CCDC152: variants seen among roughly 807,000 people sequenced by gnomAD.
CCDC152 encodes coiled-coil domain containing 152, also known as coiled-coil domain-containing protein 152.
A neutral mutation model predicts 38.1 loss-of-function variants in CCDC152; 37 were observed. The observed-to-expected ratio is 0.97, with a 90% CI of 0.75 to 1.28. CCDC152 has a LOEUF of 1.28. Ranked by LOEUF, CCDC152 falls within the 50% of genes most tolerant of loss-of-function variation. The pLI, the probability that CCDC152 is intolerant of heterozygous loss-of-function variation, is 0.00. For synonymous variants in CCDC152, 83 were observed against 87.1 expected (o/e 0.95, Z 0.26); for missense variants, 259 against 292.1 (o/e 0.89, Z 0.83).
intron 6 of CCDC152, among the ~76,000 whole-genome samples, chr5:42,785,141 C>T (rs959580807): frequency 2.0e-5 from 3 of 151,812 alleles, no homozygotes; most frequent in Admixed American, 1.3e-4. Context: ...TCTGTGAAAA[C>T]TTACATTGTT....
chr5:42,767,342 GA>G (rs1263875627), intron 3 of CCDC152, among the ~76,000 whole-genome samples: 1 of 152,022 alleles, frequency 6.6e-6, no homozygotes, highest in Non-Finnish European at 1.5e-5. Flanking sequence ...AGTACTGCAG[GA>G]AACTCTTTAC....
At position 42,779,392 on chromosome 5, in the gene CCDC152, GA is replaced by G. The variant is rs1759812096; in HGVS notation, c.263-64del. On this transcript the variant is annotated intron_variant, in intron 4 of 8. Coordinates refer to ENST00000361970, the MANE Select transcript of CCDC152 (RefSeq NM_001134848.2). ...CATACATAATGGAAGCTAAAATGTT[GA>G]ACATATTTTCATATTAATTGAAAAG... 3 of 949,328 alleles carry G rather than the reference GA, an allele frequency of 3.2e-6. No homozygotes were observed. In the Admixed American group the frequency reaches 6.9e-5, roughly 22 times the overall value. The allele number at this position is 949,328 out of a possible 1,614,324, so 58.8% of individuals were successfully genotyped here.
Position 42,796,826 on chromosome 5 carries a change from C to A in CCDC152, c.431-3C>A. On this transcript the variant is annotated splice_polypyrimidine_tract_variant and splice_region_variant and intron_variant, in intron 6 of 8. Coordinates refer to ENST00000361970, the MANE Select transcript of CCDC152 (RefSeq NM_001134848.2). ...TGAATTTTATTTATTTCATTTTATT[C>A]AGTTGAATTAAATGAAGAAAAGCAC... The A allele has an allele frequency of 2.9e-6, 4 of 1,393,418 alleles. No individual in the cohort carries two copies. Among genetic ancestry groups the A allele is most frequent in the Non-Finnish European group, 3.8e-6 (4 of 1,050,768 alleles). The allele number at this position is 1,393,418 out of a possible 1,614,324, so 86.3% of individuals were successfully genotyped here.
chr5:42,799,551 G>A, intron 8 of CCDC152, 93 bp downstream of exon 8: 2 of 1,163,642 alleles, frequency 1.7e-6, no homozygotes, highest in African/African-American at 3.1e-5. Flanking sequence ...ACAATATAAG[G>A]TATTTTTTAA....
rs769336222 is a variant in CCDC152 at position 42,762,444 on chromosome 5, A to C, written c.89A>C (p.Lys30Thr). ...ATAAGTATTCTATTTCTTCTACAGAAAATGGTAGAAACCAATGGAAAGAAC... is the reference window on the plus strand; with the variant it reads ...ATAAGTATTCTATTTCTTCTACAGACAATGGTAGAAACCAATGGAAAGAAC... Reference protein sequence around the residue: ...LINDFSQIEKKMVETNGKNNI... With the variant: ...LINDFSQIEKTMVETNGKNNI... Residue 30 changes from lysine (K) to threonine (T), a missense_variant and splice_region_variant, in exon 3 of 9, where the codon AAA (lysine) becomes ACA (threonine). Lys to Thr is a moderately conservative substitution (Grantham distance 78, BLOSUM62 -1). Transcript: ENST00000361970. The C allele has an allele frequency of 3.0e-5, 43 of 1,438,320 alleles. No homozygotes were observed. The highest frequency in any genetic ancestry group is 4.0e-5 in the Non-Finnish European group (42 of 1,052,776). The allele number at this position is 1,438,320 out of a possible 1,614,324, so 89.1% of individuals were successfully genotyped here.
chr5:42,798,591 T>C (rs548474960), intron 7 of CCDC152, among the ~76,000 whole-genome samples: 1 of 152,306 alleles, frequency 6.6e-6, no homozygotes, highest in South Asian at 2.1e-4. Flanking sequence ...AAATTTGCAT[T>C]TTGTTTGCCA....
At chr5:42,794,727 A>T (rs1760051480) in intron 6 of CCDC152, among the ~76,000 whole-genome samples, 1 of 152,234 alleles carries the variant, frequency 6.6e-6, no homozygotes, top group African/African-American at 2.4e-5. Flanking sequence ...GTTCTAATTT[A>T]GCTAAGTTAA....
At position 42,762,532 on chromosome 5, in the gene CCDC152, G is replaced by GCCAA; in HGVS notation, c.177_178insCCAA (p.Val60ProfsTer5). On this transcript the variant is annotated frameshift_variant, in exon 3 of 9. Transcript: ENST00000361970. LOFTEE classifies it high-confidence loss of function. Reference sequence around the variant, plus strand: ...TATTAAAAGTAATGCAAGCAAAGGAGGTCTCCATTAAAGAAGGTTAGTTAT... The same window carrying GCCAA: ...TATTAAAAGTAATGCAAGCAAAGGAGCCAAGTCTCCATTAAAGAAGGTTAGTTAT... 6.6e-7 allele frequency: 1 copy of GCCAA among 1,521,356 alleles called. No individual in the cohort carries two copies. Among genetic ancestry groups the GCCAA allele is most frequent in the Non-Finnish European group, 8.9e-7 (1 of 1,120,314 alleles). 94.2% of individuals were successfully genotyped at this position (1,521,356 alleles called of 1,614,324 possible).
intron 5 of CCDC152, among the ~76,000 whole-genome samples, chr5:42,780,211 G>A (rs1346001957): frequency 7.9e-5 from 12 of 152,082 alleles, no homozygotes; most frequent in Admixed American, 6.6e-4. Context: ...ATCTATAGGA[G>A]CTTTCAACTT....
intron 4 of CCDC152, among the ~76,000 whole-genome samples, chr5:42,773,839 A>G (rs1579711141): frequency 6.6e-6 from 1 of 152,342 alleles, no homozygotes; most frequent in East Asian, 1.9e-4. Context: ...AATTTATGGA[A>G]AAACCATTGT....
chr5:42,797,357 C>T (rs1017920701), intron 7 of CCDC152, among the ~76,000 whole-genome samples: 1 of 152,296 alleles, frequency 6.6e-6, no homozygotes. Flanking sequence ...CTACCAGTTC[C>T]TGTGTCTCAT....
At chr5:42,786,581 A>T (rs1173900782) in intron 6 of CCDC152, among the ~76,000 whole-genome samples, 2 of 151,742 alleles carry the variant, frequency 1.3e-5, no homozygotes, top group Non-Finnish European at 1.5e-5. Flanking sequence ...CTTTCAAAAA[A>T]CCCAGTTTTT....
At chr5:42,767,204 A>G (rs1340112313) in intron 3 of CCDC152, among the ~76,000 whole-genome samples, 1 of 152,110 alleles carries the variant, frequency 6.6e-6, no homozygotes, top group African/African-American at 2.4e-5. Context: ...GGGGCAAACT[A>G]CACATGATCA....
At chr5:42,786,181 A>T (rs1759919322) in intron 6 of CCDC152, among the ~76,000 whole-genome samples, 1 of 152,042 alleles carries the variant, frequency 6.6e-6, no homozygotes, top group Non-Finnish European at 1.5e-5. Context: ...AGTTTCAGTA[A>T]TATTGGTACC....
intron 6 of CCDC152, among the ~76,000 whole-genome samples, chr5:42,784,875 T>C (rs1318956434): frequency 1.3e-5 from 2 of 152,106 alleles, no homozygotes; most frequent in African/African-American, 4.8e-5. Flanking sequence ...TTTTCCTCAT[T>C]GTTTATTTTT....
chr5:42,791,989 A>G (rs545355303), intron 6 of CCDC152, among the ~76,000 whole-genome samples: 2 of 152,298 alleles, frequency 1.3e-5, no homozygotes, highest in African/African-American at 4.8e-5. Flanking sequence ...CTAACAGCCA[A>G]AAGAGGAGAT....
intron 4 of CCDC152, among the ~76,000 whole-genome samples, chr5:42,772,901 G>C (rs774302140): frequency 3.9e-5 from 6 of 152,090 alleles, no homozygotes; most frequent in Non-Finnish European, 7.4e-5. Flanking sequence ...AACAGGAAAC[G>C]GTTTTTCTTT....
intron 6 of CCDC152, among the ~76,000 whole-genome samples, chr5:42,795,148 C>T (rs1760057173): frequency 6.6e-6 from 1 of 152,104 alleles, no homozygotes; most frequent in Non-Finnish European, 1.5e-5. Flanking sequence ...CTGCTACTAT[C>T]CTGCTTTCAA....
chr5:42,775,042 A>T (rs1285409935), intron 4 of CCDC152, among the ~76,000 whole-genome samples: 1 of 151,488 alleles, frequency 6.6e-6, no homozygotes, highest in Non-Finnish European at 1.5e-5. Flanking sequence ...AAAAAAGACT[A>T]GGAAAAAAGT....
Sources: allele counts gnomAD v4.1 joint callset (sites outside exome capture counted in the v4.1 genomes callset), GRCh38; gene constraint gnomAD v4.1.1; transcripts MANE v1.5; gene names NCBI Gene and HGNC (gene_info 2026-07-23, HGNC 2026-07-21).